C2CD2: variants seen among roughly 807,000 people sequenced by gnomAD.
The protein encoded by C2CD2 is C2 domain-containing protein 2.
Under a neutral mutation model 74.3 loss-of-function variants are expected in C2CD2, and 43 were observed. The ratio of observed to expected loss-of-function variants is 0.58; its 90% CI spans 0.45 to 0.75. The LOEUF is 0.75. C2CD2 is among the 30% of genes least tolerant of loss of function. The probability of loss-of-function intolerance (pLI) is 0.00; values close to 1 mark genes in which losing one functional copy is unlikely to be tolerated. For synonymous variants in C2CD2, 422 were observed against 390.7 expected, an observed-to-expected ratio of 1.08 and a Z score of -0.94; for missense variants, 801 against 916.3, an observed-to-expected ratio of 0.87 and a Z score of 1.63.
Position 41,886,621 on chromosome 21 carries a change from C to A in C2CD2, c.*2503G>T, listed in dbSNP as rs951577429. 1.3e-5 allele frequency: 2 copies of A among 151,720 alleles called. No homozygotes were observed. The highest frequency in any genetic ancestry group is 2.9e-5 in the Non-Finnish European group (2 of 68,018). The allele number at this position is 151,720 out of a possible 1,614,324, so 9.4% of individuals were successfully genotyped here. A position where few individuals can be genotyped will look rare whatever the true frequency, so the allele number is the denominator to read the frequency against. On this transcript the variant is annotated 3_prime_UTR_variant, in exon 14 of 14. Coordinates refer to ENST00000380486, the MANE Select transcript of C2CD2 (RefSeq NM_015500.2). ...GACCTTGGTATTCAACAGTAAGCAGCGCTCATGGGATTCATCTGGAAATGG... is the reference window on the plus strand; with the variant it reads ...GACCTTGGTATTCAACAGTAAGCAGAGCTCATGGGATTCATCTGGAAATGG...
At chr21:41,890,858 G>A (rs1027778713) in intron 13 of C2CD2, among the ~76,000 whole-genome samples, 24 of 152,298 alleles carry the variant, frequency 1.6e-4, no homozygotes, top group Non-Finnish European at 2.9e-4. Context: ...CCTACTATGG[G>A]GAAAGAAGCA....
At position 41,895,562 on chromosome 21, in the gene C2CD2, T is replaced by C. The variant is rs893605190; in HGVS notation, c.1870+3491A>G. ...TAATTTGGGGAGTGGTTATGTGAAA[T>C]TGGAGGCAAGTAACCAAGATTTTAA... On this transcript the variant is annotated intron_variant, in intron 13 of 13. Coordinates refer to ENST00000380486, the MANE Select transcript of C2CD2 (RefSeq NM_015500.2). This position sits in a 1 kb window ranked among gnomAD's most constrained non-coding sequence, Gnocchi z 5.0. Among the ~76,000 whole-genome samples the C allele has an allele frequency of 1.3e-5, 2 of 152,090 alleles. No homozygotes were observed. The highest frequency in any genetic ancestry group is 2.9e-5 in the Non-Finnish European group (2 of 68,028).
intron 6 of C2CD2, among the ~76,000 whole-genome samples, chr21:41,914,116 C>G (rs1302356868): frequency 6.6e-6 from 1 of 152,002 alleles, no homozygotes. Flanking sequence ...ATCCCAGCTA[C>G]TAGGGAGGCT....
intron 3 of C2CD2, among the ~76,000 whole-genome samples, chr21:41,920,029 G>T: frequency 6.6e-6 from 1 of 152,090 alleles, no homozygotes; most frequent in Middle Eastern, 3.2e-3. Flanking sequence ...AAGGCACCCT[G>T]AGCCAAAAAA....
At chr21:41,927,703 T>A (rs148245968) in intron 2 of C2CD2, among the ~76,000 whole-genome samples, 55 of 152,272 alleles carry the variant, frequency 3.6e-4, no homozygotes, top group African/African-American at 1.2e-3. Context: ...ACTCCTGACC[T>A]CATGATCCAC....
At chr21:41,919,215 C>A (rs556140727) in intron 3 of C2CD2, among the ~76,000 whole-genome samples, 26 of 152,050 alleles carry the variant, frequency 1.7e-4, no homozygotes, top group African/African-American at 6.0e-4. Context: ...TGTATTTGAG[C>A]GTGTGCGGAA....
At position 41,899,072 on chromosome 21, in the gene C2CD2, GC is replaced by G. The variant is rs1251626071; in HGVS notation, c.1850del (p.Gly617AlafsTer11). The G allele has an allele frequency of 6.2e-7, 1 of 1,613,646 alleles. No individual in the cohort carries two copies. Among genetic ancestry groups the G allele is most frequent in the Non-Finnish European group, 8.5e-7 (1 of 1,179,914 alleles). On this transcript the variant is annotated frameshift_variant, in exon 13 of 14. Transcript: ENST00000380486. LOFTEE classifies it low-confidence loss of function (END_TRUNC). This position sits in a 1 kb window ranked among gnomAD's most constrained non-coding sequence, Gnocchi z 4.4. ...AGGTACCTTTATGCTTTTTGGCAGT[GC>G]CCGGCTCCAAGACACTCATGGAGCT... is the stretch of plus-strand genomic sequence containing the variant. ...SESSMSVLEP[G>X]TAKKHKGGIL...
At chr21:41,944,536 A>AG (rs1250348282) in intron 1 of C2CD2, among the ~76,000 whole-genome samples, 113 of 150,378 alleles carry the variant, frequency 7.5e-4, no homozygotes, top group African/African-American at 1.3e-3. Context: ...AAAAAAAAAA[A>AG]AAAAAAGAAA....
At chr21:41,933,861 C>T (rs996030338) in intron 2 of C2CD2, among the ~76,000 whole-genome samples, 1 of 152,216 alleles carries the variant, frequency 6.6e-6, no homozygotes, top group Non-Finnish European at 1.5e-5. Context: ...CACGACAAGG[C>T]AGTGGCAAGG....
intron 6 of C2CD2, among the ~76,000 whole-genome samples, 195 bp from the exon 7 acceptor site, chr21:41,912,635 C>G (rs1371212163): frequency 6.6e-6 from 1 of 152,054 alleles, no homozygotes; most frequent in African/African-American, 2.4e-5. Flanking sequence ...GGATTACAGG[C>G]GCACGCCTCC....
At chr21:41,889,443 C>T in intron 13 of C2CD2, 99 bp from the exon 14 acceptor site, 1 of 774,368 alleles carries the variant, frequency 1.3e-6, no homozygotes, top group Non-Finnish European at 2.2e-6. Flanking sequence ...TCGAATGCCT[C>T]TAACGAAGGG....
intron 13 of C2CD2, among the ~76,000 whole-genome samples, chr21:41,893,753 G>A (rs2064787150): frequency 6.7e-6 from 1 of 148,518 alleles, no homozygotes; most frequent in Non-Finnish European, 1.5e-5. Context: ...CCAGGCTGGA[G>A]TGCAGTGGTG....
Position 41,899,503 on chromosome 21 carries a change from C to A in C2CD2, c.1561-141G>T. 3.9e-6 allele frequency: 3 copies of A among 770,054 alleles called. No individual in the cohort carries two copies. Among genetic ancestry groups the A allele is most frequent in the East Asian group, 2.6e-5 (1 of 38,012 alleles). The allele number at this position is 770,054 out of a possible 1,614,324, so 47.7% of individuals were successfully genotyped here. A position where few individuals can be genotyped will look rare whatever the true frequency, so the allele number is the denominator to read the frequency against. On this transcript the variant is annotated intron_variant, in intron 12 of 13. Transcript: ENST00000380486. The surrounding 1 kb of genome is among the most constrained non-coding windows in gnomAD (Gnocchi z 4.4). ...ATGCAGCCGTGGGCCTCATAGAAGG[C>A]GCTTATACATCACGGCCGTTGCTCA...
Position 41,888,990 on chromosome 21 carries a change from TGAC to T in C2CD2, c.*131_*133del. ...ACTCAGATTTTGTTTTCCCTTTAAA[TGAC>T]GAGATGGTTGGAAGAAACCCAGCAA... is the stretch of plus-strand genomic sequence containing the variant. On this transcript the variant is annotated 3_prime_UTR_variant, in exon 14 of 14. Transcript: ENST00000380486. 1 of 705,882 alleles carries T rather than the reference TGAC, an allele frequency of 1.4e-6. No individual in the cohort carries two copies. The highest frequency in any genetic ancestry group is 1.8e-5 in the South Asian group (1 of 55,570). 43.7% of individuals were successfully genotyped at this position (705,882 alleles called of 1,614,324 possible).
chr21:41,899,660 C>T lies in C2CD2; in HGVS notation c.1561-298G>A, dbSNP rs2064869370. On this transcript the variant is annotated intron_variant, in intron 12 of 13. Coordinates refer to ENST00000380486, the MANE Select transcript of C2CD2 (RefSeq NM_015500.2). This position sits in a 1 kb window ranked among gnomAD's most constrained non-coding sequence, Gnocchi z 4.4. Reference sequence around the variant, plus strand: ...GGCCTAGCGGTGGGAGCGTTTGTGGCAAGCTGCAGAAATGAGATGCGAGAG... The same window carrying T: ...GGCCTAGCGGTGGGAGCGTTTGTGGTAAGCTGCAGAAATGAGATGCGAGAG... Among the ~76,000 whole-genome samples, 1 of 151,958 alleles carries T rather than the reference C, an allele frequency of 6.6e-6. No individual in the cohort carries two copies. Among genetic ancestry groups the T allele is most frequent in the Non-Finnish European group, 1.5e-5 (1 of 68,000 alleles).
At position 41,926,179 on chromosome 21, in the gene C2CD2, A is replaced by G. The variant is rs898521086; in HGVS notation, c.379-4094T>C. Among the ~76,000 whole-genome samples the G allele has an allele frequency of 3.9e-5, 6 of 152,238 alleles. No individual in the cohort carries two copies. The highest frequency in any genetic ancestry group is 1.2e-4 in the African/African-American group (5 of 41,470). ...ATCTGCAGGAGCGAGCTCCCTCGAC[A>G]ACAACCAACCATCCCCCAACCTGCA... On this transcript the variant is annotated intron_variant, in intron 2 of 13. Coordinates refer to ENST00000380486, the MANE Select transcript of C2CD2 (RefSeq NM_015500.2). This position sits in a 1 kb window ranked among gnomAD's most constrained non-coding sequence, Gnocchi z 8.0.
In C2CD2 at chr21:41,939,419, G is replaced by A. The variant is rs2065336431; in HGVS notation, c.378+2728C>T. Among the ~76,000 whole-genome samples, 1 of 152,104 alleles carries A rather than the reference G, an allele frequency of 6.6e-6. No individual in the cohort carries two copies. Among genetic ancestry groups the A allele is most frequent in the Admixed American group, 6.5e-5 (1 of 15,278 alleles). ...TTCCACTCCTCTCTGAACTGGGAAA[G>A]TATCAAAAACACCATACAGAAACCA... On this transcript the variant is annotated intron_variant, in intron 2 of 13. Coordinates refer to ENST00000380486, the MANE Select transcript of C2CD2 (RefSeq NM_015500.2). This position sits in a 1 kb window ranked among gnomAD's most constrained non-coding sequence, Gnocchi z 5.5.
At chr21:41,890,123 A>G (rs1389479443) in intron 13 of C2CD2, among the ~76,000 whole-genome samples, 1 of 152,310 alleles carries the variant, frequency 6.6e-6, no homozygotes, top group Admixed American at 6.5e-5. Flanking sequence ...CCCTGAGAAC[A>G]ATGGTATTCA....
At chr21:41,890,264 G>A (rs111244098) in intron 13 of C2CD2, among the ~76,000 whole-genome samples, 2,015 of 152,274 alleles carry the variant, frequency 0.013, 40 homozygotes, top group African/African-American at 0.046. Context: ...CCTACAAAAC[G>A]TCAATTTTGT....
Sources: gnomAD v4.1 joint callset for allele counts (sites outside exome capture counted in the v4.1 genomes callset) on GRCh38, gnomAD v4.1.1 for gene constraint, Gnocchi (gnomAD v3.1) non-coding constraint, MANE v1.5 for transcripts, NCBI Gene and HGNC (gene_info 2026-07-23, HGNC 2026-07-21) for gene names.